TIAL1: variants seen among roughly 807,000 people sequenced by gnomAD.
TIAL1 encodes the protein TIA1 cytotoxic granule associated RNA binding protein like 1.
A neutral mutation model predicts 59.7 loss-of-function variants in TIAL1; 7 were observed. That is an observed-to-expected ratio of 0.12 (90% CI 0.07 to 0.22). The LOEUF (loss-of-function observed/expected upper bound fraction) is 0.22, where lower values mean the gene tolerates loss of function less well. Ranked by LOEUF, TIAL1 falls within the 10% of genes least tolerant of loss-of-function variation. TIAL1 has a pLI of 1.00. For synonymous variants in TIAL1, 149 were observed against 146.3 expected (o/e 1.02, Z -0.13); for missense variants, 225 against 462.5 (o/e 0.49, Z 4.71).
chr10:119,578,746 G>A lies in TIAL1; in HGVS notation c.536C>T (p.Ala179Val), dbSNP rs770544348. 4 of 1,613,942 alleles carry A rather than the reference G, an allele frequency of 2.5e-6. No homozygotes were observed. The highest frequency in any genetic ancestry group is 2.2e-5 in the South Asian group (2 of 91,072). ...RTNWATRKPP[A>V]PKSTQENNTK... is the part of the protein sequence containing the mutation. ...CTTACTTTCTTGTGTACTTTTAGGT[G>A]CAGGTGGTTTACGAGTGGCCCAATT... Residue 179 changes from alanine (A) to valine (V), a missense_variant, in exon 7 of 12, where the codon GCA becomes GTA. Transcript: ENST00000436547.
chr10:119,579,067 T>C (rs1180910722), intron 6 of TIAL1: 5 of 527,902 alleles, frequency 9.5e-6, no homozygotes, highest in Non-Finnish European at 1.7e-5. Flanking sequence ...TTCAATAAAA[T>C]GTAGATGACC....
intron 1 of TIAL1, among the ~76,000 whole-genome samples, chr10:119,591,064 A>G (rs1845858772): frequency 6.6e-6 from 1 of 152,118 alleles, no homozygotes; most frequent in Admixed American, 6.6e-5. Context: ...GGAATTAGTT[A>G]CCTTCTATAT....
chr10:119,588,206 T>G lies in TIAL1; in HGVS notation c.75A>C (p.Ile25=). 1.3e-6 allele frequency: 2 copies of G among 1,596,600 alleles called. No homozygotes were observed. The highest frequency in any genetic ancestry group is 2.3e-5 in the South Asian group (2 of 88,176). The part of the protein sequence containing the change: ...NLSRDVTEVL[I]LQLFSQIGPC... ...GTCCAATCTGACTGAACAACTGAAG[T>G]ATAAGGACTTCTGTCACATCTCTGG... is the stretch of plus-strand genomic sequence containing the variant. The change falls in exon 2 of 12, where the codon ATA becomes ATC. Residue 25 remains isoleucine (I), a synonymous_variant. Transcript: ENST00000436547.
chr10:119,577,686 T>C lies in TIAL1; in HGVS notation c.607A>G (p.Lys203Glu). Reference sequence around the variant, plus strand: ...CCTCCACAGTACACAGTACAATTTTTTGGACTTGACTGGTTTACTACATCT... The same window carrying C: ...CCTCCACAGTACACAGTACAATTTTCTGGACTTGACTGGTTTACTACATCT... The part of the protein sequence containing the change: ...FEDVVNQSSP[K>E]NCTVYCGGIA... Residue 203 changes from lysine to glutamate, a missense_variant, in exon 8 of 12, where the codon AAA (lysine) becomes GAA (glutamate). Coordinates refer to ENST00000436547, the MANE Select transcript of TIAL1 (RefSeq NM_003252.4). 6.2e-7 allele frequency: 1 copy of C among 1,614,224 alleles called. No homozygotes were observed. Among genetic ancestry groups the C allele is most frequent in the Non-Finnish European group, 8.5e-7 (1 of 1,180,032 alleles).
At chr10:119,594,558 T>G (rs1846055260) in intron 1 of TIAL1, among the ~76,000 whole-genome samples, 1 of 152,216 alleles carries the variant, frequency 6.6e-6, no homozygotes, top group Non-Finnish European at 1.5e-5. Context: ...CTTTCCCAGA[T>G]GCTTATATCA....
intron 1 of TIAL1, among the ~76,000 whole-genome samples, chr10:119,591,409 A>G (rs928378375): frequency 3.4e-5 from 5 of 145,786 alleles, no homozygotes; most frequent in Non-Finnish European, 7.5e-5. Context: ...CTCCATCTGA[A>G]AAAAAAAAAA....
In TIAL1 at chr10:119,579,919, A is replaced by G; in HGVS notation, c.447+16T>C. ...ATTTAGTATTAAAAAATATAAATTG[A>G]GATGGAAGAACGTACCAGTTTGTTA... On this transcript the variant is annotated intron_variant, in intron 6 of 11. Coordinates refer to ENST00000436547, the MANE Select transcript of TIAL1 (RefSeq NM_003252.4). 6.4e-7 allele frequency: 1 copy of G among 1,563,500 alleles called. No homozygotes were observed. Among genetic ancestry groups the G allele is most frequent in the Non-Finnish European group, 8.6e-7 (1 of 1,159,322 alleles).
chr10:119,596,135 C>T (rs1846173342), intron 1 of TIAL1, among the ~76,000 whole-genome samples: 1 of 151,906 alleles, frequency 6.6e-6, no homozygotes, highest in Non-Finnish European at 1.5e-5. Context: ...CAGGAGTTCT[C>T]CTGGGCCTGA....
At chr10:119,588,911 A>T (rs1845711041) in intron 1 of TIAL1, among the ~76,000 whole-genome samples, 1 of 152,208 alleles carries the variant, frequency 6.6e-6, no homozygotes, top group East Asian at 1.9e-4. Context: ...ACAATTTCTA[A>T]TTAAAAATAA....
chr10:119,596,540 G>C lies in TIAL1; in HGVS notation c.-75C>G, dbSNP rs1216244576. 1 of 624,444 alleles carries C rather than the reference G, an allele frequency of 1.6e-6. No individual in the cohort carries two copies. Among genetic ancestry groups the C allele is most frequent in the East Asian group, 3.1e-5 (1 of 32,050 alleles). The allele number at this position is 624,444 out of a possible 1,614,324, so 38.7% of individuals were successfully genotyped here. ...GAGGGGAGGGGGTGGGGAGGAAGGG[G>C]AGGGGGGCTCTGGGCACCGGCTGGG... On this transcript the variant is annotated 5_prime_UTR_variant, in exon 1 of 12. Transcript: ENST00000436547.
At chr10:119,577,330 A>G in intron 9 of TIAL1, 121 bp downstream of exon 9, 2 of 1,426,608 alleles carry the variant, frequency 1.4e-6, no homozygotes, top group Non-Finnish European at 1.9e-6. Context: ...TTAGGTAGGT[A>G]GCTTAAACTT....
chr10:119,591,362 G>A (rs913113485), intron 1 of TIAL1, among the ~76,000 whole-genome samples: 2 of 151,094 alleles, frequency 1.3e-5, no homozygotes, highest in African/African-American at 2.4e-5. Context: ...GGCTGAGATC[G>A]CGCCATGGCA....
chr10:119,594,070 T>TA (rs3064562), intron 1 of TIAL1, among the ~76,000 whole-genome samples: 39,916 of 139,312 alleles, frequency 0.29, 5,967 homozygotes, highest in East Asian at 0.56. Flanking sequence ...GTCCTTCTCT[T>TA]AAAAAAAAAA....
chr10:119,581,558 C>G (rs1845306791), intron 5 of TIAL1, among the ~76,000 whole-genome samples: 1 of 152,022 alleles, frequency 6.6e-6, no homozygotes, highest in African/African-American at 2.4e-5. Flanking sequence ...CAGTATAGAT[C>G]ACATTTACTT....
rs1349387410 is a variant in TIAL1 at position 119,579,971 on chromosome 10, G to A, written c.411C>T (p.Ser137=). The A allele has an allele frequency of 6.8e-6, 11 of 1,610,698 alleles. No individual in the cohort carries two copies. In the Admixed American group the frequency reaches 1.7e-4, roughly 25 times the overall value. The part of the protein sequence containing the change: ...RVVKDMATGK[S]KGYGFVSFYN... ...AAAAAGATACAAAACCATAGCCTTT[G>A]GATTTTCCAGTTGCCATGTCTTTAA... The change falls in exon 6 of 12, where the codon TCC becomes TCT. Residue 137 remains serine (S), a synonymous_variant. Transcript: ENST00000436547.
chr10:119,580,584 G>GAATA, intron 5 of TIAL1: 2 of 998,720 alleles, frequency 2.0e-6, no homozygotes, highest in Non-Finnish European at 2.4e-6. Flanking sequence ...TAAGAAAGGA[G>GAATA]AATAAAAAAC....
In TIAL1 at chr10:119,580,962, A is replaced by C. The variant is rs539850791; in HGVS notation, c.372-952T>G. ...AGCAACCTGTATTATTTTTATATTG[A>C]TTTTTAAAATAGTACTACTTACCAC... On this transcript the variant is annotated intron_variant, in intron 5 of 11. Coordinates refer to ENST00000436547, the MANE Select transcript of TIAL1 (RefSeq NM_003252.4). 40 of 342,124 alleles carry C rather than the reference A, an allele frequency of 1.2e-4. No homozygotes were observed. The South Asian group carries it at 2.2e-3, about 19-fold the overall frequency. 21.2% of individuals were successfully genotyped at this position (342,124 alleles called of 1,614,324 possible). A position where few individuals can be genotyped will look rare whatever the true frequency, so the allele number is the denominator to read the frequency against.
intron 1 of TIAL1, among the ~76,000 whole-genome samples, chr10:119,592,456 T>TTAATAAAAGTGTCATTA (rs1223171980): frequency 6.6e-6 from 1 of 152,234 alleles, no homozygotes; most frequent in Non-Finnish European, 1.5e-5. Flanking sequence ...AAGAATATCA[T>TTAATAAAAGTGTCATTA]GCCTTTCAGA....
chr10:119,590,762 G>GAA (rs1845818266), intron 1 of TIAL1, among the ~76,000 whole-genome samples: 19 of 125,400 alleles, frequency 1.5e-4, no homozygotes, highest in South Asian at 2.7e-4. Context: ...GAGAGAAAGA[G>GAA]AGAAAGAAAG....
Sources: gnomAD v4.1 joint callset for allele counts (sites outside exome capture counted in the v4.1 genomes callset) on GRCh38, gnomAD v4.1.1 for gene constraint, MANE v1.5 for transcripts, NCBI Gene and HGNC (gene_info 2026-07-23, HGNC 2026-07-21) for gene names.